Variants in PLEKHA1 observed in about 807,000 individuals in gnomAD.
PLEKHA1 encodes the protein pleckstrin homology domain-containing family A member 1.
In PLEKHA1, 34 loss-of-function variants were observed where a neutral mutation model predicts 52.0. That is an observed-to-expected ratio of 0.65 (90% CI 0.50 to 0.87). The LOEUF (loss-of-function observed/expected upper bound fraction) is 0.87, where lower values mean the gene tolerates loss of function less well. PLEKHA1 is among the 40% of genes least tolerant of loss of function. PLEKHA1 has a pLI of 0.00. For synonymous variants in PLEKHA1, 163 were observed against 170.7 expected (o/e 0.95, Z 0.35); for missense variants, 497 against 504.2 (o/e 0.99, Z 0.14).
At chr10:122,435,533 T>C (rs2097434741), downstream of PLEKHA1, 1 of 152,226 alleles carries the variant, frequency 6.6e-6, no homozygotes, top group African/African-American at 2.4e-5. Flanking sequence ...AGGATAGTTT[T>C]GAAATTAATA....
In PLEKHA1 at chr10:122,415,963, G is replaced by A. The variant is rs528896982; in HGVS notation, c.573G>A (p.Ala191=). ...YFTPKPPQDS[A]VIKAGYCVKQ... is the part of the protein sequence containing the mutation. ...CTCCTAAACCACCTCAAGATAGTGC[G>A]GTTATCAAAGCTGGATATTGTGTAA... The change falls in exon 7 of 12, where the codon GCG becomes GCA. Residue 191 remains alanine, a synonymous_variant. Transcript: ENST00000368990. 1.9e-5 allele frequency: 30 copies of A among 1,613,258 alleles called. No homozygotes were observed. The highest frequency in any genetic ancestry group is 4.0e-5 in the African/African-American group (3 of 74,872).
At chr10:122,400,853 A>C (rs2096917943) in intron 4 of PLEKHA1, among the ~76,000 whole-genome samples, 2 of 152,192 alleles carry the variant, frequency 1.3e-5, no homozygotes, top group East Asian at 3.8e-4. Flanking sequence ...TTGGCACTGG[A>C]GCTGTAAGAT....
At chr10:122,383,583 C>T (rs1200638802) in intron 1 of PLEKHA1, among the ~76,000 whole-genome samples, 1 of 151,396 alleles carries the variant, frequency 6.6e-6, no homozygotes, top group African/African-American at 2.4e-5. Flanking sequence ...TCCCAAAGTG[C>T]TGGGATTACA....
intron 1 of PLEKHA1, among the ~76,000 whole-genome samples, chr10:122,375,285 G>A (rs1005231570): frequency 6.6e-6 from 1 of 152,060 alleles, no homozygotes; most frequent in African/African-American, 2.4e-5. Flanking sequence ...GGCTGTGCCC[G>A]CGGGGCGCGC....
chr10:122,390,848 G>A (rs1432304191), intron 1 of PLEKHA1, among the ~76,000 whole-genome samples: 1 of 152,174 alleles, frequency 6.6e-6, no homozygotes, highest in East Asian at 1.9e-4. Flanking sequence ...GTAATTCTAT[G>A]TTTAACTCTT....
intron 5 of PLEKHA1, chr10:122,412,031 CTA>C (rs376831000): frequency 4.6e-5 from 7 of 152,182 alleles, no homozygotes; most frequent in Admixed American, 6.5e-5. Context: ...TAAATACAGA[CTA>C]TGTGCTAAAC....
intron 3 of PLEKHA1, among the ~76,000 whole-genome samples, chr10:122,399,719 A>G (rs1350225070): frequency 1.3e-5 from 2 of 152,008 alleles, no homozygotes; most frequent in South Asian, 4.2e-4. Flanking sequence ...AGTAGCTGGG[A>G]CTACAGGCGC....
chr10:122,405,066 T>C (rs1359384302), intron 4 of PLEKHA1, among the ~76,000 whole-genome samples: 3 of 152,176 alleles, frequency 2.0e-5, no homozygotes, highest in African/African-American at 2.4e-5. Flanking sequence ...GTATAATAAA[T>C]AGCTTTAATT....
intron 3 of PLEKHA1, among the ~76,000 whole-genome samples, chr10:122,399,125 T>C (rs1183122797): frequency 6.6e-6 from 1 of 152,148 alleles, no homozygotes; most frequent in East Asian, 1.9e-4. Context: ...ATTGTGCAGT[T>C]TGTACTCTAC....
chr10:122,399,574 CTTTATTTTTATTTTTATT>C (rs113811329), intron 3 of PLEKHA1, among the ~76,000 whole-genome samples: 3 of 150,910 alleles, frequency 2.0e-5, no homozygotes, highest in African/African-American at 7.3e-5. Flanking sequence ...GATTTGTGGA[CTTTATTTTTATTTTTATT>C]TTTATTTTTT....
chr10:122,396,679 A>G (rs1261990703), intron 2 of PLEKHA1, among the ~76,000 whole-genome samples: 1 of 152,100 alleles, frequency 6.6e-6, no homozygotes, highest in African/African-American at 2.4e-5. Context: ...TAAGTACGTT[A>G]TTATAAAGTC....
downstream of PLEKHA1, chr10:122,432,958 A>G (rs10510111): frequency 6.6e-6 from 1 of 152,112 alleles, no homozygotes; most frequent in Non-Finnish European, 1.5e-5. Flanking sequence ...GTGTATACCT[A>G]TTTGTTAGAT....
intron 4 of PLEKHA1, among the ~76,000 whole-genome samples, chr10:122,403,695 T>C (rs2096963022): frequency 1.3e-5 from 2 of 151,852 alleles, no homozygotes; most frequent in Non-Finnish European, 2.9e-5. Flanking sequence ...TAACTTGCTT[T>C]CCCCTTTTTT....
intron 1 of PLEKHA1, chr10:122,386,601 G>A (rs2096703069): frequency 6.6e-6 from 1 of 152,126 alleles, no homozygotes; most frequent in South Asian, 2.1e-4. Context: ...TGTTCTGGAA[G>A]CTTTGACATT....
At chr10:122,399,787 G>T (rs571773623) in intron 3 of PLEKHA1, among the ~76,000 whole-genome samples, 3 of 151,958 alleles carry the variant, frequency 2.0e-5, no homozygotes, top group Admixed American at 6.6e-5. Flanking sequence ...GGGTTTCACC[G>T]TGTTGGCCAG....
chr10:122,405,917 TC>T (rs2097006437), intron 4 of PLEKHA1, among the ~76,000 whole-genome samples: 1 of 152,084 alleles, frequency 6.6e-6, no homozygotes, highest in Non-Finnish European at 1.5e-5. Context: ...GTCTCCTCTT[TC>T]CTTCTCCCCT....
At chr10:122,418,107 G>T (rs550556675) in intron 8 of PLEKHA1, 139 bp downstream of exon 8, 4 of 555,364 alleles carry the variant, frequency 7.2e-6, no homozygotes, top group South Asian at 7.6e-5. Flanking sequence ...TTATTTGGTT[G>T]TGATGCTTTT....
chr10:122,429,670 C>T lies in PLEKHA1; in HGVS notation c.947C>T (p.Thr316Ile), dbSNP rs1472338473. Residue 316 changes from threonine to isoleucine, a missense_variant, in exon 12 of 12, where the codon ACC becomes ATC. Physicochemically the swap from Thr to Ile is moderately conservative, Grantham distance 89. Transcript: ENST00000368990. ...GAATCCAAACACGCTTTCCGTCCTA[C>T]CAACGCAGCCACCGCCACCTCACAT... Reference protein sequence around the residue: ...PSESKHAFRPTNAATATSHST... With the variant: ...PSESKHAFRPINAATATSHST... 9 of 1,613,982 alleles carry T rather than the reference C, an allele frequency of 5.6e-6. No individual in the cohort carries two copies. The highest frequency in any genetic ancestry group is 7.6e-6 in the Non-Finnish European group (9 of 1,180,032).
At chr10:122,441,511 A>C in the PLEKHA1 span, 4 of 152,202 alleles carry the variant, frequency 2.6e-5, no homozygotes, top group Admixed American at 2.6e-4. Flanking sequence ...TAAGATATCC[A>C]TTATCCATTA....
Sources: allele counts gnomAD v4.1 joint callset (sites outside exome capture counted in the v4.1 genomes callset), GRCh38; gene constraint gnomAD v4.1.1; transcripts MANE v1.5; gene names NCBI Gene and HGNC (gene_info 2026-07-23, HGNC 2026-07-21).